Variants in SCAI observed in about 807,000 individuals in gnomAD.
The protein encoded by SCAI is protein SCAI.
Under a neutral mutation model 92.2 loss-of-function variants are expected in SCAI, and 24 were observed. That is an observed-to-expected ratio of 0.26 (90% CI 0.19 to 0.37). The LOEUF is 0.37. Among genes scored for constraint, SCAI ranks in the 10% least tolerant of loss-of-function variants. The pLI is 1.00. For missense variants in SCAI, 450 were observed against 736.2 expected, an observed-to-expected ratio of 0.61 and a Z score of 4.50; for synonymous variants, 261 against 258.6, an observed-to-expected ratio of 1.01 and a Z score of -0.09.
intron 17 of SCAI, among the ~76,000 whole-genome samples, chr9:124,960,765 A>G (rs1444415533): frequency 6.6e-6 from 1 of 152,256 alleles, no homozygotes; most frequent in Non-Finnish European, 1.5e-5. Flanking sequence ...TATTTCCTCA[A>G]AACTCACTTA....
intron 7 of SCAI, among the ~76,000 whole-genome samples, chr9:125,020,314 G>C (rs1832846427): frequency 6.6e-6 from 1 of 152,148 alleles, no homozygotes; most frequent in African/African-American, 2.4e-5. Context: ...AAAATCATTT[G>C]CAAGGCCTTT....
At chr9:125,064,206 T>C (rs1833834230) in intron 2 of SCAI, among the ~76,000 whole-genome samples, 1 of 151,522 alleles carries the variant, frequency 6.6e-6, no homozygotes, top group Non-Finnish European at 1.5e-5. Context: ...AAAAGAATCA[T>C]AAAAAAAAGA....
chr9:125,011,221 G>A (rs1307133059), intron 9 of SCAI, among the ~76,000 whole-genome samples: 1 of 152,206 alleles, frequency 6.6e-6, no homozygotes, highest in Non-Finnish European at 1.5e-5. Flanking sequence ...GGCTTCAGAC[G>A]ATCAAACTAC....
At chr9:124,953,823 A>G (rs1831272149) in intron 17 of SCAI, among the ~76,000 whole-genome samples, 1 of 152,252 alleles carries the variant, frequency 6.6e-6, no homozygotes, top group Admixed American at 6.5e-5. Flanking sequence ...CAGTTCATAC[A>G]TACAAATGTT....
At chr9:125,045,177 A>G (rs939851911) in intron 3 of SCAI, among the ~76,000 whole-genome samples, 4 of 152,168 alleles carry the variant, frequency 2.6e-5, no homozygotes, top group Admixed American at 1.3e-4. Context: ...GGCTGGAAAA[A>G]TAACACCCTA....
intron 2 of SCAI, among the ~76,000 whole-genome samples, chr9:125,115,097 G>C (rs1835012034): frequency 6.6e-6 from 1 of 151,892 alleles, no homozygotes; most frequent in Admixed American, 6.6e-5. Context: ...AAGCAGCCGG[G>C]CGCGGTGGTT....
At chr9:125,028,245 T>C in intron 5 of SCAI, 147 bp downstream of exon 5, 1 of 531,572 alleles carries the variant, frequency 1.9e-6, no homozygotes, top group Non-Finnish European at 3.3e-6. Flanking sequence ...CACAACATTG[T>C]CTTGATCAAT....
At chr9:125,107,024 TTTTC>T (rs1191178854) in intron 2 of SCAI, among the ~76,000 whole-genome samples, 1 of 152,012 alleles carries the variant, frequency 6.6e-6, no homozygotes, top group Non-Finnish European at 1.5e-5. Flanking sequence ...CTTGAGTTAT[TTTTC>T]TTTCTTTCAA....
intron 3 of SCAI, among the ~76,000 whole-genome samples, chr9:125,054,681 CAATT>C (rs927793225): frequency 9.9e-5 from 15 of 152,066 alleles, no homozygotes; most frequent in African/African-American, 3.6e-4. Context: ...TAAAAAGACA[CAATT>C]AATTTATAAA....
At chr9:125,053,250 C>T (rs1349774280) in intron 3 of SCAI, among the ~76,000 whole-genome samples, 1 of 152,094 alleles carries the variant, frequency 6.6e-6, no homozygotes, top group African/African-American at 2.4e-5. Context: ...AGGAAAATTG[C>T]TTGAACCCAG....
intron 2 of SCAI, among the ~76,000 whole-genome samples, chr9:125,129,625 G>A (rs952487498): frequency 7.9e-5 from 12 of 150,992 alleles, no homozygotes; most frequent in Admixed American, 7.9e-4. Context: ...CACCACACCT[G>A]GCTGATTTTT....
At chr9:125,023,087 G>A (rs1320319294) in intron 6 of SCAI, among the ~76,000 whole-genome samples, 1 of 151,798 alleles carries the variant, frequency 6.6e-6, no homozygotes, top group East Asian at 1.9e-4. Flanking sequence ...TCTAGATTTG[G>A]CTCCATTTTA....
Position 125,092,131 on chromosome 9 carries a change from TAAAAAAAAAAAAA to T in SCAI, c.99-36137_99-36125del, listed in dbSNP as rs71374225. On this transcript the variant is annotated intron_variant, in intron 2 of 17. Transcript: ENST00000336505. ...GGCGACAGAGCAAGACTCCGTCTCT[TAAAAAAAAAAAAA>T]AAAAAAAAAAAAAAAAAAAAAAAAT... 2.0e-3 allele frequency among the ~76,000 whole-genome samples: 124 copies of T among 61,142 alleles called. 1 individual carries two copies. Among genetic ancestry groups the T allele is most frequent in the South Asian group, 0.014 (22 of 1,610 alleles). The allele number at this position is 61,142 out of a possible 152,430, so 40.1% of individuals were successfully genotyped here.
chr9:124,979,477 T>G (rs1462155966), intron 14 of SCAI, among the ~76,000 whole-genome samples: 1 of 151,494 alleles, frequency 6.6e-6, no homozygotes, highest in African/African-American at 2.4e-5. Flanking sequence ...GAGGCGGAGG[T>G]TGCAGTGAGC....
chr9:125,074,687 A>G (rs935072676), intron 2 of SCAI, among the ~76,000 whole-genome samples: 2 of 151,980 alleles, frequency 1.3e-5, no homozygotes, highest in African/African-American at 4.8e-5. Context: ...CAAACCCAAT[A>G]AAATCTAAAC....
intron 3 of SCAI, among the ~76,000 whole-genome samples, chr9:125,032,516 A>AT: frequency 6.7e-6 from 1 of 150,156 alleles, no homozygotes; most frequent in East Asian, 2.0e-4. Flanking sequence ...CTTTTGCACC[A>AT]TTGGGATATC....
intron 3 of SCAI, among the ~76,000 whole-genome samples, chr9:125,050,565 ACTTTTTTCTCTTT>A (rs1833540365): frequency 6.6e-6 from 1 of 152,076 alleles, no homozygotes; most frequent in Admixed American, 6.6e-5. Flanking sequence ...AACAAAGAAC[ACTTTTTTCTCTTT>A]TCTTTTTATA....
intron 2 of SCAI, among the ~76,000 whole-genome samples, chr9:125,069,644 ACGT>A (rs1476174767): frequency 1.0e-5 from 1 of 98,730 alleles, no homozygotes; most frequent in African/African-American, 4.2e-5. Flanking sequence ...TTTTTTTGAG[ACGT>A]CGTCTTGCTC....
At chr9:125,026,661 T>C (rs773652960) in intron 6 of SCAI, 151 bp downstream of exon 6, 1 of 448,324 alleles carries the variant, frequency 2.2e-6, no homozygotes, top group Non-Finnish European at 4.0e-6. Context: ...AACTTCTCTA[T>C]GCTTTCGAAG....
Sources: gnomAD v4.1 joint callset for allele counts (sites outside exome capture counted in the v4.1 genomes callset) on GRCh38, gnomAD v4.1.1 for gene constraint, MANE v1.5 for transcripts, NCBI Gene and HGNC (gene_info 2026-07-23, HGNC 2026-07-21) for gene names.